Variants in RAB11FIP3 observed in about 807,000 individuals in gnomAD.
RAB11FIP3 encodes RAB11 family interacting protein 3, also known as rab11 family-interacting protein 3.
In RAB11FIP3, 17 loss-of-function variants were observed where a neutral mutation model predicts 77.8. The ratio of observed to expected loss-of-function variants is 0.22; its 90% CI spans 0.15 to 0.33. The LOEUF is 0.33. RAB11FIP3 is among the 10% of genes least tolerant of loss of function. The pLI, the probability that RAB11FIP3 is intolerant of heterozygous loss-of-function variation, is 1.00. For synonymous variants in RAB11FIP3, 437 were observed against 448.2 expected (o/e 0.98, Z 0.31); for missense variants, 1,005 against 1,011.2 (o/e 0.99, Z 0.08).
At chr16:434,326 T>A (rs964410058) in intron 1 of RAB11FIP3, among the ~76,000 whole-genome samples, 1 of 152,234 alleles carries the variant, frequency 6.6e-6, no homozygotes, top group Non-Finnish European at 1.5e-5. Flanking sequence ...TTTCGCCATG[T>A]TAGCCCAGGC....
intron 1 of RAB11FIP3, among the ~76,000 whole-genome samples, chr16:452,594 C>T (rs1403852795): frequency 2.0e-5 from 3 of 146,356 alleles, no homozygotes; most frequent in East Asian, 2.1e-4. Context: ...GCCACCACGC[C>T]CGGCTAATTT....
chr16:483,307 AGCCAACTG>A (rs1373085606), intron 4 of RAB11FIP3, among the ~76,000 whole-genome samples: 1 of 152,200 alleles, frequency 6.6e-6, no homozygotes, highest in Non-Finnish European at 1.5e-5. Context: ...CTCAGCCTTC[AGCCAACTG>A]ATGGACCCCC....
intron 3 of RAB11FIP3, chr16:474,708 T>C: frequency 2.5e-6 from 2 of 813,418 alleles, no homozygotes; most frequent in Middle Eastern, 4.1e-4. Flanking sequence ...ATGTGTCTTT[T>C]GTGCAAACCA....
At position 426,319 on chromosome 16, in the gene RAB11FIP3, G is replaced by T; in HGVS notation, c.313G>T (p.Ala105Ser). The change falls in exon 1 of 14, where the codon GCC (alanine) becomes TCC (serine). Residue 105 changes from alanine (A) to serine (S), a missense_variant. By Grantham distance (99) the Ala-to-Ser change is moderately conservative. This residue lies in a region of RAB11FIP3 where 466 missense variants were observed against 408.3 expected (regional missense o/e 1.14). Coordinates refer to ENST00000262305, the MANE Select transcript of RAB11FIP3 (RefSeq NM_014700.4). The surrounding 1 kb of genome is among the most constrained non-coding windows in gnomAD (Gnocchi z 5.0). ...GPRGQLASPD[A>S]PGPGPRSEAP... ...GCGGGGGCAGCTTGCGAGCCCCGAC[G>T]CCCCGGGCCCAGGGCCGCGCTCCGA... 6 of 1,358,984 alleles carry T rather than the reference G, an allele frequency of 4.4e-6. No homozygotes were observed. Among genetic ancestry groups the T allele is most frequent in the Non-Finnish European group, 4.8e-6 (5 of 1,051,846 alleles). 84.2% of individuals were successfully genotyped at this position (1,358,984 alleles called of 1,614,324 possible). A position where few individuals can be genotyped will look rare whatever the true frequency, so the allele number is the denominator to read the frequency against.
At chr16:467,180 G>A (rs903833504) in intron 2 of RAB11FIP3, among the ~76,000 whole-genome samples, 4 of 152,182 alleles carry the variant, frequency 2.6e-5, no homozygotes, top group East Asian at 1.9e-4. Flanking sequence ...CCCTGAGAAC[G>A]TCTGGGATGG....
At chr16:488,077 A>AT (rs1352401389) in intron 4 of RAB11FIP3, among the ~76,000 whole-genome samples, 1 of 152,160 alleles carries the variant, frequency 6.6e-6, no homozygotes, top group African/African-American at 2.4e-5. Flanking sequence ...GCTAAGTAAA[A>AT]TTTTTTGTTA....
At position 518,977 on chromosome 16, in the gene RAB11FIP3, C is replaced by T. The variant is rs569826588; in HGVS notation, c.1675C>T (p.Arg559Trp). Reference protein sequence around the residue: ...QQLDEENSELRSCTPCLKANI... With the variant: ...QQLDEENSELWSCTPCLKANI... ...ACTGGACGAGGAGAACAGTGAACTC[C>T]GGTCCTGCACGCCCTGTCTGAAGGC... The change falls in exon 10 of 14, where the codon CGG (arginine) becomes TGG (tryptophan). Residue 559 changes from arginine (R) to tryptophan (W), a missense_variant. Transcript: ENST00000262305. The T allele has an allele frequency of 1.5e-5, 24 of 1,613,664 alleles. No homozygotes were observed. The highest frequency in any genetic ancestry group is 1.2e-4 in the African/African-American group (9 of 75,048).
chr16:452,075 G>C (rs1019619763), intron 1 of RAB11FIP3, among the ~76,000 whole-genome samples: 3 of 152,014 alleles, frequency 2.0e-5, no homozygotes, highest in African/African-American at 7.2e-5. Context: ...TTTGAACCTC[G>C]GGAGGGCAGA....
intron 9 of RAB11FIP3, among the ~76,000 whole-genome samples, chr16:516,083 G>C (rs921602004): frequency 6.6e-6 from 1 of 152,222 alleles, no homozygotes; most frequent in Admixed American, 6.5e-5. Context: ...GAGGCCGGCC[G>C]GTGCTCTTTG....
At position 514,480 on chromosome 16, in the gene RAB11FIP3, C is replaced by T. The variant is rs951179071; in HGVS notation, c.1640+3680C>T. Reference sequence around the variant, plus strand: ...TGCAGTTGCAGTGCCTAGAAAACAGCTGGATTTCAGGAGTGGAGCCTCAGT... The same window carrying T: ...TGCAGTTGCAGTGCCTAGAAAACAGTTGGATTTCAGGAGTGGAGCCTCAGT... On this transcript the variant is annotated intron_variant, in intron 9 of 13. Coordinates refer to ENST00000262305, the MANE Select transcript of RAB11FIP3 (RefSeq NM_014700.4). This position sits in a 1 kb window ranked among gnomAD's most constrained non-coding sequence, Gnocchi z 4.6. Among the ~76,000 whole-genome samples, 328 of 152,278 alleles carry T rather than the reference C, an allele frequency of 2.2e-3. 5 individuals carry two copies. The highest frequency in any genetic ancestry group is 7.6e-3 in the African/African-American group (315 of 41,550).
chr16:492,095 C>T (rs550790140), intron 5 of RAB11FIP3, among the ~76,000 whole-genome samples: 23 of 152,342 alleles, frequency 1.5e-4, no homozygotes, highest in African/African-American at 5.5e-4. Context: ...CTGTCCCTGC[C>T]CCAGGGGGCT....
intron 1 of RAB11FIP3, among the ~76,000 whole-genome samples, chr16:432,019 A>AG (rs1436349264): frequency 6.6e-6 from 1 of 152,038 alleles, no homozygotes; most frequent in Admixed American, 6.6e-5. Context: ...GGCCTCCCAA[A>AG]GTGCTGGGAT....
At chr16:459,037 G>C (rs767478854) in intron 1 of RAB11FIP3, among the ~76,000 whole-genome samples, 1 of 151,656 alleles carries the variant, frequency 6.6e-6, no homozygotes, top group African/African-American at 2.4e-5. Context: ...CTAAAAAGCA[G>C]TGCTCTTTAA....
chr16:435,204 C>CAAAAAAAAAAAAAAAAAA (rs371438435), intron 1 of RAB11FIP3, among the ~76,000 whole-genome samples: 7 of 83,152 alleles, frequency 8.4e-5, no homozygotes, highest in African/African-American at 2.7e-4. Context: ...GACTCCGTCT[C>CAAAAAAAAAAAAAAAAAA]AAAAAAAAAA....
chr16:469,726 T>G (rs377448692), intron 2 of RAB11FIP3, among the ~76,000 whole-genome samples: 1 of 152,220 alleles, frequency 6.6e-6, no homozygotes, highest in African/African-American at 2.4e-5. Context: ...ATCTTTGCTA[T>G]ATTGCCCAGG....
chr16:491,874 G>A (rs919519470), intron 5 of RAB11FIP3, among the ~76,000 whole-genome samples: 19 of 152,214 alleles, frequency 1.2e-4, no homozygotes, highest in African/African-American at 4.1e-4. Flanking sequence ...GTGAAGAAAC[G>A]GGCCACTTTG....
intron 1 of RAB11FIP3, among the ~76,000 whole-genome samples, chr16:430,122 G>A (rs974814982): frequency 8.5e-5 from 13 of 152,102 alleles, no homozygotes; most frequent in Non-Finnish European, 1.9e-4. Context: ...ATAGTCAGAT[G>A]TGTCCAGGAA....
chr16:449,557 G>T (rs2055373436), intron 1 of RAB11FIP3, among the ~76,000 whole-genome samples: 1 of 151,410 alleles, frequency 6.6e-6, no homozygotes, highest in African/African-American at 2.4e-5. Flanking sequence ...GAGGTGGGAG[G>T]ATCGCTTGAG....
intron 1 of RAB11FIP3, chr16:439,523 C>T (rs2055190403): frequency 6.6e-6 from 1 of 152,214 alleles, no homozygotes; most frequent in Non-Finnish European, 1.5e-5. Context: ...AACCGGCGTC[C>T]TAGCTCTTCA....
Sources: allele counts gnomAD v4.1 joint callset (sites outside exome capture counted in the v4.1 genomes callset), GRCh38; gene constraint gnomAD v4.1.1; regional missense constraint gnomAD v4.1.1; non-coding constraint Gnocchi (gnomAD v3.1); transcripts MANE v1.5; gene names NCBI Gene and HGNC (gene_info 2026-07-23, HGNC 2026-07-21).